Variants in ATP10B observed in about 807,000 individuals in gnomAD.
ATP10B encodes the protein ATPase phospholipid transporting 10B (putative), also known as phospholipid-transporting ATPase VB.
Under a neutral mutation model 141.2 loss-of-function variants are expected in ATP10B, and 122 were observed. The observed-to-expected ratio is 0.86, with a 90% CI of 0.75 to 1.00. ATP10B has a LOEUF of 1.00. ATP10B is among the 50% of genes least tolerant of loss of function. The pLI is 0.00. For synonymous variants in ATP10B, 685 were observed against 692.0 expected (o/e 0.99, Z 0.16); for missense variants, 1,876 against 1,825.3 (o/e 1.03, Z -0.51).
chr5:160,918,922 G>A, the ATP10B span, among the ~76,000 whole-genome samples: 2 of 152,040 alleles, frequency 1.3e-5, no homozygotes, highest in African/African-American at 2.4e-5. Context: ...TTACTATGAG[G>A]GACAGTACAA....
intron 2 of ATP10B, among the ~76,000 whole-genome samples, chr5:160,738,118 A>G (rs955614974): frequency 8.5e-5 from 13 of 152,128 alleles, no homozygotes; most frequent in Non-Finnish European, 4.4e-5. Context: ...TTAGGTTAAA[A>G]ATTAATAGCA....
At chr5:160,695,764 T>G (rs912069006) in intron 3 of ATP10B, among the ~76,000 whole-genome samples, 11 of 152,316 alleles carry the variant, frequency 7.2e-5, no homozygotes, top group African/African-American at 2.4e-4. Context: ...ATACTTAGAT[T>G]ATTGATAAAA....
the ATP10B span, among the ~76,000 whole-genome samples, chr5:160,921,925 C>T: frequency 6.6e-6 from 1 of 152,216 alleles, no homozygotes; most frequent in African/African-American, 2.4e-5. Flanking sequence ...AGCAGTTCCT[C>T]TTTTCTCATC....
chr5:160,880,255 A>G, the ATP10B span, among the ~76,000 whole-genome samples: 6 of 146,606 alleles, frequency 4.1e-5, no homozygotes. Flanking sequence ...TATTATATAT[A>G]AATAAATTAT....
intron 7 of ATP10B, among the ~76,000 whole-genome samples, chr5:160,653,637 TACATATATATTATATATACATATATAC>T (rs1761150815): frequency 1.1e-5 from 1 of 87,562 alleles, no homozygotes; most frequent in Non-Finnish European, 2.1e-5. Context: ...TATACATATA[TACATATATATTATATATACATATATAC>T]ATATATATTA....
the ATP10B span, among the ~76,000 whole-genome samples, chr5:160,881,572 G>A: frequency 6.6e-6 from 1 of 152,118 alleles, no homozygotes; most frequent in Admixed American, 6.5e-5. Flanking sequence ...CAGCACTTTG[G>A]GAGGCCGAGG....
intron 3 of ATP10B, among the ~76,000 whole-genome samples, chr5:160,706,580 C>A (rs979944783): frequency 6.6e-6 from 1 of 152,136 alleles, no homozygotes; most frequent in Non-Finnish European, 1.5e-5. Context: ...ACCTCCGTAG[C>A]CTGAGTCATC....
intron 2 of ATP10B, among the ~76,000 whole-genome samples, chr5:160,760,636 C>T (rs1035992695): frequency 6.6e-6 from 1 of 152,218 alleles, no homozygotes; most frequent in African/African-American, 2.4e-5. Context: ...TGTTAGAAAG[C>T]CTGCTTGCCA....
At chr5:160,602,948 T>C in intron 20 of ATP10B, 2 of 391,408 alleles carry the variant, frequency 5.1e-6, no homozygotes, top group South Asian at 2.8e-5. Context: ...TGGCTCTTCA[T>C]CCGTTTATCC....
At chr5:160,703,926 T>G (rs1764822535) in intron 3 of ATP10B, among the ~76,000 whole-genome samples, 1 of 152,200 alleles carries the variant, frequency 6.6e-6, no homozygotes, top group African/African-American at 2.4e-5. Context: ...ATTAATCTCC[T>G]TGTACGTTTT....
At chr5:160,746,946 C>T (rs1403264677) in intron 2 of ATP10B, among the ~76,000 whole-genome samples, 1 of 152,176 alleles carries the variant, frequency 6.6e-6, no homozygotes, top group Non-Finnish European at 1.5e-5. Flanking sequence ...ATTGACTGCC[C>T]ATGGCTCTGC....
chr5:160,750,327 C>T (rs895276282), intron 2 of ATP10B, among the ~76,000 whole-genome samples: 1 of 152,202 alleles, frequency 6.6e-6, no homozygotes, highest in Non-Finnish European at 1.5e-5. Flanking sequence ...CCTGACCAAC[C>T]TGGCCCAACC....
chr5:160,637,162 A>T (rs1759467897), intron 10 of ATP10B, among the ~76,000 whole-genome samples: 1 of 149,362 alleles, frequency 6.7e-6, no homozygotes, highest in East Asian at 2.0e-4. Flanking sequence ...CTGTCCATCC[A>T]TTTATCCTTC....
intron 10 of ATP10B, among the ~76,000 whole-genome samples, chr5:160,638,357 C>T (rs1407630047): frequency 6.6e-6 from 1 of 152,148 alleles, no homozygotes; most frequent in Non-Finnish European, 1.5e-5. Context: ...TCTGGAGACA[C>T]AGTGAGATGA....
the ATP10B span, among the ~76,000 whole-genome samples, chr5:160,914,274 C>T: frequency 3.9e-5 from 6 of 152,026 alleles, no homozygotes; most frequent in Admixed American, 6.6e-5. Flanking sequence ...TAAAACACTA[C>T]CCTATTCTAA....
chr5:160,896,677 C>T, the ATP10B span, among the ~76,000 whole-genome samples: 1 of 152,160 alleles, frequency 6.6e-6, no homozygotes, highest in African/African-American at 2.4e-5. Context: ...AAGAGGGACT[C>T]CTCCCTAACT....
chr5:160,708,319 G>T (rs1162851875), intron 3 of ATP10B, among the ~76,000 whole-genome samples: 1 of 151,982 alleles, frequency 6.6e-6, no homozygotes, highest in Admixed American at 6.6e-5. Flanking sequence ...CTCAACCCCC[G>T]CCCCCTTCCA....
intron 2 of ATP10B, among the ~76,000 whole-genome samples, chr5:160,764,342 G>A (rs754295894): frequency 3.3e-5 from 5 of 152,094 alleles, no homozygotes; most frequent in Non-Finnish European, 7.4e-5. Flanking sequence ...ATTCAACAGC[G>A]TATCAAAAAG....
At chr5:160,708,486 C>A in intron 3 of ATP10B, among the ~76,000 whole-genome samples, 1 of 152,278 alleles carries the variant, frequency 6.6e-6, no homozygotes, top group South Asian at 2.1e-4. Flanking sequence ...TGTTCTCTAT[C>A]ACAAATGCTT....
Sources: gnomAD v4.1 joint callset for allele counts (sites outside exome capture counted in the v4.1 genomes callset) on GRCh38, gnomAD v4.1.1 for gene constraint, MANE v1.5 for transcripts, NCBI Gene and HGNC (gene_info 2026-07-23, HGNC 2026-07-21) for gene names.